BARD1: variants seen among roughly 807,000 people sequenced by gnomAD.
BARD1 encodes BRCA1 associated RING domain 1.
In BARD1, 73 loss-of-function variants were observed where a neutral mutation model predicts 77.0. The observed-to-expected ratio is 0.95, with a 90% CI of 0.79 to 1.15. BARD1 has a LOEUF of 1.15. Among genes scored for constraint, BARD1 ranks in the 50% most tolerant of loss-of-function variants. The pLI, the probability that BARD1 is intolerant of heterozygous loss-of-function variation, is 0.00. For missense variants in BARD1, 993 were observed against 938.8 expected, an observed-to-expected ratio of 1.06 and a Z score of -0.75; for synonymous variants, 384 against 338.0, an observed-to-expected ratio of 1.14 and a Z score of -1.49.
chr2:214,765,106 T>C (rs1469657027), intron 6 of BARD1, among the ~76,000 whole-genome samples: 1 of 152,212 alleles, frequency 6.6e-6, no homozygotes, highest in East Asian at 1.9e-4. Context: ...ATTTATTCCT[T>C]GGTAGCAATA....
intron 9 of BARD1, among the ~76,000 whole-genome samples, chr2:214,736,775 T>G (rs1350362261): frequency 6.6e-6 from 1 of 152,128 alleles, no homozygotes; most frequent in Admixed American, 6.5e-5. Flanking sequence ...GGAGCCAGTG[T>G]AAGTCTTAAT....
At chr2:214,770,422 A>T (rs759991293) in intron 4 of BARD1, among the ~76,000 whole-genome samples, 1 of 152,238 alleles carries the variant, frequency 6.6e-6, no homozygotes, top group Admixed American at 6.5e-5. Context: ...GATGCAATGG[A>T]GAAGGCAGAT....
At position 214,796,631 on chromosome 2, in the gene BARD1, G is replaced by C. The variant is rs377064289; in HGVS notation, c.215+430C>G. ...TAGACTCCTAGCCTACAGAACTAGA[G>C]AGACAATACATTTCTGTTGTTCTAA... is the stretch of plus-strand genomic sequence containing the variant. On this transcript the variant is annotated intron_variant, in intron 2 of 10. Transcript: ENST00000260947. 7.2e-5 allele frequency among the ~76,000 whole-genome samples: 11 copies of C among 152,282 alleles called. No individual in the cohort carries two copies. The East Asian group carries it at 2.1e-3, about 29-fold the overall frequency.
chr2:214,734,630 A>G (rs568036719), intron 9 of BARD1, among the ~76,000 whole-genome samples: 1 of 152,306 alleles, frequency 6.6e-6, no homozygotes, highest in East Asian at 1.9e-4. Flanking sequence ...TTTTTCCACA[A>G]TCTAGAATAA....
intron 4 of BARD1, among the ~76,000 whole-genome samples, chr2:214,770,362 C>T (rs1694423673): frequency 6.6e-6 from 1 of 152,140 alleles, no homozygotes; most frequent in African/African-American, 2.4e-5. Flanking sequence ...TATTCCAGTA[C>T]TCTGGAGAGC....
chr2:214,777,136 G>A (rs1328634114), intron 4 of BARD1, among the ~76,000 whole-genome samples: 2 of 152,162 alleles, frequency 1.3e-5, no homozygotes, highest in Non-Finnish European at 2.9e-5. Context: ...TAGACTTCAG[G>A]TGTACAGAAC....
intron 1 of BARD1, among the ~76,000 whole-genome samples, chr2:214,806,647 G>A (rs1167377684): frequency 6.6e-6 from 1 of 152,170 alleles, no homozygotes; most frequent in Non-Finnish European, 1.5e-5. Flanking sequence ...GCTGAAGTGG[G>A]CGGATCACTT....
intron 6 of BARD1, among the ~76,000 whole-genome samples, chr2:214,764,598 A>G (rs7584646): frequency 0.41 from 62,452 of 152,144 alleles, 13,892 homozygotes; most frequent in East Asian, 0.58. Flanking sequence ...CAGAGAGGAA[A>G]GTAGCACCAG....
intron 3 of BARD1, among the ~76,000 whole-genome samples, 170 bp from the exon 4 acceptor site, chr2:214,781,679 A>G (rs1368392075): frequency 6.6e-6 from 1 of 152,160 alleles, no homozygotes; most frequent in African/African-American, 2.4e-5. Context: ...TCACTCATTC[A>G]ATACTTACTG....
intron 7 of BARD1, among the ~76,000 whole-genome samples, chr2:214,748,827 A>G (rs1438015539): frequency 1.3e-5 from 2 of 150,986 alleles, no homozygotes; most frequent in African/African-American, 4.9e-5. Flanking sequence ...TTTCAGAGGC[A>G]AGTATGTATC....
intron 6 of BARD1, among the ~76,000 whole-genome samples, chr2:214,764,812 A>G (rs980633893): frequency 2.0e-5 from 3 of 152,218 alleles, no homozygotes; most frequent in Non-Finnish European, 4.4e-5. Context: ...TGTAAAGCCA[A>G]TCAGATGAAC....
At position 214,752,597 on chromosome 2, in the gene BARD1, G is replaced by A. The variant is rs781294331; in HGVS notation, c.1569-42C>T. Reference sequence around the variant, plus strand: ...AGATGTGTTTAAGTAAGTCAAATGTGTGACTCGACTCAATTTTTCAACATC... The same window carrying A: ...AGATGTGTTTAAGTAAGTCAAATGTATGACTCGACTCAATTTTTCAACATC... On this transcript the variant is annotated intron_variant, in intron 6 of 10. Coordinates refer to ENST00000260947, the MANE Select transcript of BARD1 (RefSeq NM_000465.4). The A allele has an allele frequency of 7.7e-6, 11 of 1,429,914 alleles. 1 individual carries two copies. In the South Asian group the frequency reaches 1.0e-4, roughly 13 times the overall value. 88.6% of individuals were successfully genotyped at this position (1,429,914 alleles called of 1,614,324 possible).
At chr2:214,769,185 A>G (rs760839245) in intron 5 of BARD1, 47 bp downstream of exon 5, 2 of 1,494,592 alleles carry the variant, frequency 1.3e-6, no homozygotes, top group Non-Finnish European at 1.9e-6. Context: ...ATAAACTATA[A>G]GAACTGTAAA....
intron 7 of BARD1, among the ~76,000 whole-genome samples, chr2:214,750,717 C>T (rs181089017): frequency 1.4e-3 from 220 of 152,216 alleles, no homozygotes; most frequent in Admixed American, 4.6e-3. Context: ...CAGGGGAAGT[C>T]CACGGAAAGG....
intron 9 of BARD1, chr2:214,730,958 G>C (rs749139074): frequency 4.2e-5 from 19 of 454,070 alleles, no homozygotes; most frequent in South Asian, 2.8e-4. Context: ...CTGTTAAACT[G>C]TAAGTGATTT....
chr2:214,745,827 G>A lies in BARD1; in HGVS notation c.1705C>T (p.Pro569Ser). ...AGCCCACTGCCTATAAGTACAAGAG[G>A]TCCATCCCTACGCTGCCCAGTGTTC... ...VMNTGQRRDG[P>S]LVLIGSGLSS... The change falls in exon 8 of 11, where the codon CCT becomes TCT. Residue 569 changes from proline to serine, a missense_variant. Pro to Ser is a moderately conservative substitution (Grantham distance 74). Transcript: ENST00000260947. 1 of 1,613,926 alleles carries A rather than the reference G, an allele frequency of 6.2e-7. No individual in the cohort carries two copies. The highest frequency in any genetic ancestry group is 8.5e-7 in the Non-Finnish European group (1 of 1,179,938).
At chr2:214,788,304 T>C (rs983925092) in intron 3 of BARD1, among the ~76,000 whole-genome samples, 4 of 151,956 alleles carry the variant, frequency 2.6e-5, no homozygotes. Context: ...TTTAACTCCA[T>C]TAGTAAAAAG....
At chr2:214,760,919 C>T (rs1385186131) in intron 6 of BARD1, among the ~76,000 whole-genome samples, 3 of 151,338 alleles carry the variant, frequency 2.0e-5, no homozygotes, top group African/African-American at 7.3e-5. Context: ...GGACTACAGG[C>T]GCCCACCACC....
intron 6 of BARD1, among the ~76,000 whole-genome samples, chr2:214,764,034 A>T (rs916850476): frequency 3.9e-5 from 6 of 152,200 alleles, no homozygotes; most frequent in Non-Finnish European, 5.9e-5. Context: ...CATGGATGCC[A>T]ATTGGGCAAA....
Sources: allele counts gnomAD v4.1 joint callset (sites outside exome capture counted in the v4.1 genomes callset), GRCh38; gene constraint gnomAD v4.1.1; transcripts MANE v1.5; gene names NCBI Gene and HGNC (gene_info 2026-07-23, HGNC 2026-07-21).